Variants in SLC38A11 observed in about 807,000 individuals in gnomAD.
SLC38A11 encodes solute carrier family 38 member 11, also known as putative sodium-coupled neutral amino acid transporter 11.
In SLC38A11, 51 loss-of-function variants were observed where a neutral mutation model predicts 49.4. The ratio of observed to expected loss-of-function variants is 1.03; its 90% confidence interval spans 0.83 to 1.30. The LOEUF (loss-of-function observed/expected upper bound fraction) is 1.30, where lower values mean the gene tolerates loss of function less well. Ranked by LOEUF, SLC38A11 falls within the 50% of genes most tolerant of loss-of-function variation. SLC38A11 has a pLI of 0.00. For synonymous variants in SLC38A11, 203 were observed against 192.9 expected, an observed-to-expected ratio of 1.05 and a Z score of -0.43; for missense variants, 574 against 556.2, an observed-to-expected ratio of 1.03 and a Z score of -0.32.
At chr2:164,934,781 A>G (rs1687243532) in intron 7 of SLC38A11, among the ~76,000 whole-genome samples, 1 of 152,156 alleles carries the variant, frequency 6.6e-6, no homozygotes, top group Admixed American at 6.6e-5. Flanking sequence ...TTTTTAGCCC[A>G]AATTATCATT....
chr2:164,906,766 T>C (rs1488335103), intron 11 of SLC38A11, among the ~76,000 whole-genome samples: 1 of 152,188 alleles, frequency 6.6e-6, no homozygotes, highest in Non-Finnish European at 1.5e-5. Context: ...AATAGACAAT[T>C]ACCAGTCTCC....
intron 3 of SLC38A11, chr2:164,950,172 T>C (rs900806758): frequency 6.6e-6 from 1 of 152,194 alleles, no homozygotes; most frequent in African/African-American, 2.4e-5. Context: ...GGAGAAAATT[T>C]GGACTTCAGT....
At chr2:164,912,551 T>C (rs1685474942) in intron 9 of SLC38A11, 1 of 152,070 alleles carries the variant, frequency 6.6e-6, no homozygotes, top group South Asian at 2.1e-4. Flanking sequence ...AACCAGTACA[T>C]CTGGGGAGCT....
At chr2:164,933,360 C>G (rs1178563774) in intron 7 of SLC38A11, among the ~76,000 whole-genome samples, 1 of 151,882 alleles carries the variant, frequency 6.6e-6, no homozygotes, top group East Asian at 1.9e-4. Flanking sequence ...TCCTTGCCAC[C>G]TCAGTTTTTA....
intron 6 of SLC38A11, among the ~76,000 whole-genome samples, chr2:164,938,838 T>C (rs926856775): frequency 1.3e-5 from 2 of 152,190 alleles, no homozygotes; most frequent in Admixed American, 1.3e-4. Context: ...CAATAATATT[T>C]TGGGTAAAAT....
In SLC38A11 at chr2:164,911,687, A is replaced by G. The variant is rs770649583; in HGVS notation, c.912T>C (p.Tyr304=). Residue 304 remains tyrosine (Y), a synonymous_variant, in exon 10 of 12, where the codon TAT becomes TAC. Coordinates refer to ENST00000685975, the MANE Select transcript of SLC38A11 (RefSeq NM_001351537.2). ...GGTATGTCAAAATGACAGTGACACC[A>G]TAACAAAATCTTCCAAATGTTACCA... ...DDLVTFGRFC[Y]GVTVILTYPM... 6.2e-7 allele frequency: 1 copy of G among 1,608,328 alleles called. No homozygotes were observed. The highest frequency in any genetic ancestry group is 8.5e-7 in the Non-Finnish European group (1 of 1,176,992).
At chr2:164,930,066 GA>G (rs1686886564) in intron 7 of SLC38A11, among the ~76,000 whole-genome samples, 1 of 151,546 alleles carries the variant, frequency 6.6e-6, no homozygotes, top group African/African-American at 2.4e-5. Context: ...ACGACAAGGG[GA>G]ATATTACCAC....
intron 5 of SLC38A11, 79 bp downstream of exon 5, chr2:164,944,490 T>C: frequency 1.7e-6 from 1 of 584,862 alleles, no homozygotes; most frequent in Non-Finnish European, 2.6e-6. Context: ...TTTTTATTTA[T>C]AATTATGAAC....
In SLC38A11 at chr2:164,898,540, A is replaced by G. The variant is rs770845176; in HGVS notation, c.1286T>C (p.Met429Thr). Residue 429 changes from methionine (M) to threonine (T), a missense_variant, in exon 12 of 12, where the codon ATG (methionine) becomes ACG (threonine). Transcript: ENST00000685975. The stretch of plus-strand genomic sequence containing the variant: ...GAAATTGTCAGGAAAGCAGTAGAAC[A>G]TTTCCTGCCCATGGGTGCAGTCTTG... ...NTQDCTHGQE[M>T]FYCFPDNFSL... 2 of 1,613,500 alleles carry G rather than the reference A, an allele frequency of 1.2e-6. No individual in the cohort carries two copies. The highest frequency in any genetic ancestry group is 1.7e-5 in the Admixed American group (1 of 59,900).
chr2:164,923,155 T>C (rs1464401010), intron 7 of SLC38A11, among the ~76,000 whole-genome samples: 1 of 152,204 alleles, frequency 6.6e-6, no homozygotes, highest in East Asian at 1.9e-4. Flanking sequence ...CTTCCCGACA[T>C]TGGCCTTGGC....
intron 10 of SLC38A11, among the ~76,000 whole-genome samples, chr2:164,910,345 T>C (rs1021618054): frequency 6.6e-6 from 1 of 152,116 alleles, no homozygotes; most frequent in Admixed American, 6.6e-5. Context: ...CCATCTGTTC[T>C]TACTTGCTGA....
chr2:164,905,759 T>C (rs1684958406), intron 11 of SLC38A11, among the ~76,000 whole-genome samples: 1 of 152,162 alleles, frequency 6.6e-6, no homozygotes, highest in African/African-American at 2.4e-5. Context: ...TAATTTTTAA[T>C]GTATGTCTAT....
At chr2:164,932,649 A>G (rs1687084958) in intron 7 of SLC38A11, among the ~76,000 whole-genome samples, 1 of 152,074 alleles carries the variant, frequency 6.6e-6, no homozygotes, top group Non-Finnish European at 1.5e-5. Flanking sequence ...AAAGTAAAGA[A>G]CACATATTCT....
At chr2:164,935,058 C>T (rs1163943767) in intron 7 of SLC38A11, among the ~76,000 whole-genome samples, 3 of 152,110 alleles carry the variant, frequency 2.0e-5, no homozygotes, top group Non-Finnish European at 4.4e-5. Context: ...TTTCTTCCTC[C>T]AGGAAACCTT....
At chr2:164,944,302 A>G (rs1687966574) in intron 5 of SLC38A11, among the ~76,000 whole-genome samples, 4 of 152,226 alleles carry the variant, frequency 2.6e-5, no homozygotes, top group Admixed American at 2.0e-4. Flanking sequence ...AGCTGGTGAT[A>G]TGAAGCATAA....
At chr2:164,934,280 GA>G (rs1166053954) in intron 7 of SLC38A11, among the ~76,000 whole-genome samples, 10 of 152,182 alleles carry the variant, frequency 6.6e-5, no homozygotes, top group Middle Eastern at 3.4e-3. Context: ...AACAAGCGGA[GA>G]ATGCATCATG....
chr2:164,895,308 A>G lies in SLC38A11; in HGVS notation c.*3129T>C, dbSNP rs762805897. Among the ~76,000 whole-genome samples, 2 of 152,200 alleles carry G rather than the reference A, an allele frequency of 1.3e-5. No homozygotes were observed. Among genetic ancestry groups the G allele is most frequent in the Non-Finnish European group, 2.9e-5 (2 of 68,038 alleles). On this transcript the variant is annotated 3_prime_UTR_variant, in exon 12 of 12. Transcript: ENST00000685975. ...ATTCTTAAAAGCGCTTATTCTATTG[A>G]GGTAGCAAATTATTATCCTTGCCAC...
At chr2:164,921,271 A>G (rs1174956563) in intron 7 of SLC38A11, among the ~76,000 whole-genome samples, 1 of 152,212 alleles carries the variant, frequency 6.6e-6, no homozygotes, top group East Asian at 1.9e-4. Context: ...ACTCTATTTC[A>G]TTAAAAGCCA....
chr2:164,952,570 T>C (rs1044501704), intron 3 of SLC38A11, 137 bp downstream of exon 3: 23 of 700,062 alleles, frequency 3.3e-5, no homozygotes, highest in Non-Finnish European at 4.9e-5. Context: ...CATAAATGCT[T>C]AAATTCTTTA....
Sources: allele counts gnomAD v4.1 joint callset (sites outside exome capture counted in the v4.1 genomes callset), GRCh38; gene constraint gnomAD v4.1.1; transcripts MANE v1.5; gene names NCBI Gene and HGNC (gene_info 2026-07-23, HGNC 2026-07-21).